The following ADGRL4 variants were observed in gnomAD, a reference collection of about 807,000 sequenced individuals.
The protein encoded by ADGRL4 is EGF, latrophilin and seven transmembrane domain containing 1.
In ADGRL4, 90 loss-of-function variants were observed where a neutral mutation model predicts 74.8. That is an observed-to-expected ratio of 1.20 (90% CI 1.02 to 1.43). The LOEUF is 1.43. Among genes scored for constraint, ADGRL4 ranks in the 40% most tolerant of loss-of-function variants. ADGRL4 has a pLI of 0.00. For synonymous variants in ADGRL4, 311 were observed against 279.2 expected, an observed-to-expected ratio of 1.11 and a Z score of -1.14; for missense variants, 881 against 814.3, an observed-to-expected ratio of 1.08 and a Z score of -1.00.
Position 79,006,640 on chromosome 1 carries a change from CG to C in ADGRL4, c.14del (p.Pro5ArgfsTer3). MKRLPLLVVFSTLLN... is the reference protein window; with the variant it reads MKRLXLLVVFSTLLN... ...GGGGCGCTGAGCACTCACCTAGGAG[CG>C]GGAGGCGTTTCATTGGCGGTGGCCG... On this transcript the variant is annotated frameshift_variant, in exon 1 of 15. Transcript: ENST00000370742. LOFTEE classifies it high-confidence loss of function. 1 of 1,519,660 alleles carries C rather than the reference CG, an allele frequency of 6.6e-7. No homozygotes were observed. Among genetic ancestry groups the C allele is most frequent in the Non-Finnish European group, 8.8e-7 (1 of 1,135,362 alleles). 94.1% of individuals were successfully genotyped at this position (1,519,660 alleles called of 1,614,324 possible). A position where few individuals can be genotyped will look rare whatever the true frequency, so the allele number is the denominator to read the frequency against.
intron 2 of ADGRL4, among the ~76,000 whole-genome samples, chr1:78,982,637 C>A (rs1329143789): frequency 6.6e-6 from 1 of 151,762 alleles, no homozygotes; most frequent in Non-Finnish European, 1.5e-5. Flanking sequence ...AATCTCAATA[C>A]CCTTCTCCAA....
chr1:78,958,256 G>A (rs1243950243), intron 2 of ADGRL4, among the ~76,000 whole-genome samples: 1 of 152,038 alleles, frequency 6.6e-6, no homozygotes, highest in Non-Finnish European at 1.5e-5. Context: ...AGGGATCAAG[G>A]AATAATTTTT....
intron 2 of ADGRL4, among the ~76,000 whole-genome samples, chr1:78,972,060 T>G (rs1650180274): frequency 6.6e-6 from 1 of 152,138 alleles, no homozygotes; most frequent in African/African-American, 2.4e-5. Context: ...CGGCCAGGAT[T>G]ATTTTAAGGA....
Position 78,927,076 on chromosome 1 carries a change from G to A in ADGRL4, c.893C>T (p.Ala298Val), listed in dbSNP as rs748635862. ...ACCAATACTCTTATAATATACAAAT[G>A]CAACTGCAACATTGCCTATCAATCA... is the stretch of plus-strand genomic sequence containing the variant. ...AYDSNGNVAV[A>V]FVYYKSIGPL... is the part of the protein sequence containing the mutation. The change falls in exon 8 of 15, where the codon GCA (alanine) becomes GTA (valine). Residue 298 changes from alanine (A) to valine (V), a missense_variant. Physicochemically the swap from Ala to Val is moderately conservative, Grantham distance 64. Coordinates refer to ENST00000370742, the MANE Select transcript of ADGRL4 (RefSeq NM_022159.4). The A allele has an allele frequency of 1.3e-6, 2 of 1,589,794 alleles. No individual in the cohort carries two copies. Among genetic ancestry groups the A allele is most frequent in the Admixed American group, 1.7e-5 (1 of 59,526 alleles).
At chr1:78,964,904 C>T (rs1237103885) in intron 2 of ADGRL4, among the ~76,000 whole-genome samples, 1 of 152,080 alleles carries the variant, frequency 6.6e-6, no homozygotes, top group African/African-American at 2.4e-5. Flanking sequence ...GAATAAGTCA[C>T]TCAATTCTAT....
intron 12 of ADGRL4, among the ~76,000 whole-genome samples, chr1:78,896,867 A>G (rs1648410183): frequency 6.6e-6 from 1 of 152,044 alleles, no homozygotes; most frequent in Non-Finnish European, 1.5e-5. Context: ...TTACTTCTCT[A>G]TCTTTTGACC....
intron 12 of ADGRL4, among the ~76,000 whole-genome samples, chr1:78,906,779 T>C (rs907994033): frequency 2.1e-4 from 32 of 151,964 alleles, no homozygotes; most frequent in Admixed American, 1.3e-4. Flanking sequence ...TATAAGTTGC[T>C]CGCTGAGAAG....
chr1:78,998,362 C>CT (rs71078519), intron 2 of ADGRL4, among the ~76,000 whole-genome samples: 3,233 of 64,998 alleles, frequency 0.05, 779 homozygotes, highest in African/African-American at 0.071. Flanking sequence ...TCCACTGATT[C>CT]TTTTTTTTTT....
intron 5 of ADGRL4, 34 bp downstream of exon 5, chr1:78,938,066 T>A (rs985277): frequency 1.1e-5 from 18 of 1,604,364 alleles, no homozygotes; most frequent in East Asian, 6.7e-5. Flanking sequence ...AATTCAAAGC[T>A]CAATTATATT....
intron 2 of ADGRL4, among the ~76,000 whole-genome samples, chr1:78,961,296 C>T (rs1039247995): frequency 1.3e-5 from 2 of 152,060 alleles, no homozygotes; most frequent in African/African-American, 4.8e-5. Flanking sequence ...GTGCATGCCA[C>T]CTCACCCAGC....
chr1:78,992,365 T>C (rs552023296), intron 2 of ADGRL4, among the ~76,000 whole-genome samples: 139 of 152,030 alleles, frequency 9.1e-4, no homozygotes, highest in Admixed American at 1.6e-3. Flanking sequence ...AGAAAAATCA[T>C]GTTAATATGG....
intron 2 of ADGRL4, among the ~76,000 whole-genome samples, chr1:78,967,106 T>C (rs1035557656): frequency 6.6e-6 from 1 of 152,116 alleles, no homozygotes; most frequent in Non-Finnish European, 1.5e-5. Context: ...AGTTAAAAGG[T>C]GTGGTACCTT....
chr1:78,959,934 T>C (rs1649914932), intron 2 of ADGRL4, among the ~76,000 whole-genome samples: 1 of 152,154 alleles, frequency 6.6e-6, no homozygotes, highest in African/African-American at 2.4e-5. Context: ...AGTAATATAA[T>C]ATAAAGAATA....
intron 2 of ADGRL4, among the ~76,000 whole-genome samples, chr1:78,984,061 A>G (rs993237909): frequency 6.6e-6 from 1 of 151,808 alleles, no homozygotes; most frequent in Non-Finnish European, 1.5e-5. Flanking sequence ...TAAGTCGAAA[A>G]CAACATTACT....
chr1:78,956,155 C>T (rs12568976), intron 2 of ADGRL4, among the ~76,000 whole-genome samples: 21,492 of 151,948 alleles, frequency 0.14, 1,658 homozygotes, highest in East Asian at 0.25. Flanking sequence ...TAGATATTGC[C>T]GAAACACAAA....
intron 7 of ADGRL4, among the ~76,000 whole-genome samples, chr1:78,933,221 C>T (rs972304409): frequency 6.6e-6 from 1 of 151,372 alleles, no homozygotes; most frequent in Non-Finnish European, 1.5e-5. Flanking sequence ...CATCAAAAAA[C>T]ATATCCACCA....
intron 12 of ADGRL4, among the ~76,000 whole-genome samples, chr1:78,902,261 C>T (rs977619988): frequency 1.3e-5 from 2 of 152,090 alleles, no homozygotes; most frequent in Non-Finnish European, 2.9e-5. Flanking sequence ...CTCCACATCC[C>T]CCAAAATTAA....
chr1:78,970,235 C>T (rs777961258), intron 2 of ADGRL4, among the ~76,000 whole-genome samples: 1 of 152,052 alleles, frequency 6.6e-6, no homozygotes, highest in Non-Finnish European at 1.5e-5. Context: ...TGGGTCAAAG[C>T]CCTAGGAAGG....
intron 2 of ADGRL4, among the ~76,000 whole-genome samples, chr1:78,951,889 C>A (rs1265066020): frequency 6.6e-6 from 1 of 152,114 alleles, no homozygotes; most frequent in Non-Finnish European, 1.5e-5. Flanking sequence ...ATATAATTCT[C>A]CAAATTCAAG....
Sources: gnomAD v4.1 joint callset for allele counts (sites outside exome capture counted in the v4.1 genomes callset) on GRCh38, gnomAD v4.1.1 for gene constraint, MANE v1.5 for transcripts, NCBI Gene and HGNC (gene_info 2026-07-23, HGNC 2026-07-21) for gene names.